Variants in PRDM1 observed in about 807,000 individuals in gnomAD.
The protein encoded by PRDM1 is PR domain zinc finger protein 1.
In PRDM1, 13 loss-of-function variants were observed where a neutral mutation model predicts 62.8. The ratio of observed to expected loss-of-function variants is 0.21; its 90% confidence interval spans 0.13 to 0.33. PRDM1 has a LOEUF of 0.33. Among genes scored for constraint, PRDM1 ranks in the 10% least tolerant of loss-of-function variants. The pLI is 1.00. For missense variants in PRDM1, 895 were observed against 1,058.8 expected, an observed-to-expected ratio of 0.85 and a Z score of 2.15; for synonymous variants, 396 against 417.6, an observed-to-expected ratio of 0.95 and a Z score of 0.63.
chr6:106,051,223 C>G (rs1342152153), intron 1 of PRDM1, among the ~76,000 whole-genome samples: 1 of 152,174 alleles, frequency 6.6e-6, no homozygotes, highest in Non-Finnish European at 1.5e-5. Context: ...ATCATGGTAA[C>G]AAGAATATCT....
chr6:106,009,345 G>A (rs186856501), intron 1 of PRDM1, among the ~76,000 whole-genome samples: 246 of 152,202 alleles, frequency 1.6e-3, no homozygotes, highest in African/African-American at 5.7e-3. Context: ...GATGACTTTC[G>A]CTTCCTTTTG....
At chr6:106,082,177 C>CA (rs1368831650), upstream of PRDM1, among the ~76,000 whole-genome samples, 2 of 152,184 alleles carry the variant, frequency 1.3e-5, no homozygotes, top group African/African-American at 4.8e-5. Flanking sequence ...TCAGGTTTTG[C>CA]CTTCTGTTAG....
At chr6:106,009,474 T>A (rs1233010471) in intron 1 of PRDM1, among the ~76,000 whole-genome samples, 1 of 152,186 alleles carries the variant, frequency 6.6e-6, no homozygotes, top group Non-Finnish European at 1.5e-5. Flanking sequence ...ATATTTTCAT[T>A]TTCTCACAAC....
chr6:106,073,105 C>CTT (rs202236727), intron 1 of PRDM1, among the ~76,000 whole-genome samples: 26 of 137,656 alleles, frequency 1.9e-4, no homozygotes, highest in African/African-American at 5.7e-4. Context: ...TTCCTCTTTT[C>CTT]TTTTTTTTTT....
rs144611234 is a variant in PRDM1, at chr6:106,022,851, C to T, written c.-67+29212C>T. 3.9e-5 allele frequency among the ~76,000 whole-genome samples: 6 copies of T among 152,254 alleles called. No homozygotes were observed. The East Asian group carries it at 5.8e-4, about 15-fold the overall frequency. On this transcript the variant is annotated intron_variant, in intron 1 of 6. Coordinates refer to the PRDM1 transcript ENST00000652320. ...GATTACTGGCATGAGCCCCTGTGCC[C>T]GGCCATAAATGAAATATTGAACATC...
At chr6:106,038,014 CTTTTTTT>C (rs1227783243) in intron 1 of PRDM1, among the ~76,000 whole-genome samples, 5 of 47,800 alleles carry the variant, frequency 1.0e-4, no homozygotes, top group African/African-American at 4.3e-4. Context: ...CTATTTTTGT[CTTTTTTT>C]TTTTTTTTTT....
chr6:106,043,728 T>G (rs538450158), upstream of PRDM1, among the ~76,000 whole-genome samples: 1 of 152,216 alleles, frequency 6.6e-6, no homozygotes, highest in South Asian at 2.1e-4. Context: ...GAGACGGCGT[T>G]TCTCCCTGTT....
At chr6:106,034,271 GTTA>G (rs1562149291) in intron 1 of PRDM1, among the ~76,000 whole-genome samples, 1 of 151,046 alleles carries the variant, frequency 6.6e-6, no homozygotes. Context: ...TGCTCTAATC[GTTA>G]TTATTTCCTT....
chr6:106,033,350 T>C (rs1369443814), intron 1 of PRDM1, among the ~76,000 whole-genome samples: 1 of 150,658 alleles, frequency 6.6e-6, no homozygotes, highest in Non-Finnish European at 1.5e-5. Context: ...ACAGAATCTC[T>C]CTATATTGCC....
intron 1 of PRDM1, among the ~76,000 whole-genome samples, chr6:106,068,616 A>T (rs1267769784): frequency 6.6e-6 from 1 of 152,224 alleles, no homozygotes; most frequent in South Asian, 2.1e-4. Context: ...ACAGTCATAC[A>T]TGGGAACGTT....
intron 1 of PRDM1, among the ~76,000 whole-genome samples, chr6:106,009,618 G>A (rs1374419801): frequency 1.3e-5 from 2 of 152,172 alleles, no homozygotes; most frequent in Non-Finnish European, 2.9e-5. Context: ...GAACAAATTA[G>A]GGGTGCATGT....
At chr6:105,997,670 C>T (rs536718727) in intron 1 of PRDM1, among the ~76,000 whole-genome samples, 18 of 152,290 alleles carry the variant, frequency 1.2e-4, no homozygotes, top group Non-Finnish European at 2.6e-4. Flanking sequence ...AGGGGTTACC[C>T]TCATAAAGCT....
chr6:106,015,164 A>G (rs900226721), intron 1 of PRDM1, among the ~76,000 whole-genome samples: 2 of 152,202 alleles, frequency 1.3e-5, no homozygotes, highest in African/African-American at 4.8e-5. Flanking sequence ...TTAGCTGCCT[A>G]TGGAAATAAG....
chr6:106,076,718 G>T (rs1773611130), intron 1 of PRDM1, among the ~76,000 whole-genome samples: 1 of 152,132 alleles, frequency 6.6e-6, no homozygotes, highest in African/African-American at 2.4e-5. Context: ...ATGCAAAATG[G>T]TTGCATAACT....
chr6:106,038,205 G>A (rs777743581), intron 1 of PRDM1, among the ~76,000 whole-genome samples: 22 of 151,642 alleles, frequency 1.5e-4, no homozygotes, highest in African/African-American at 2.4e-4. Flanking sequence ...GGCTGGTTTC[G>A]AACTACTGAC....
intron 1 of PRDM1, among the ~76,000 whole-genome samples, chr6:106,052,099 T>G (rs1455227041): frequency 6.6e-6 from 1 of 152,202 alleles, no homozygotes; most frequent in Non-Finnish European, 1.5e-5. Flanking sequence ...TGGATACTGA[T>G]GATGGTTGCC....
intron 1 of PRDM1, among the ~76,000 whole-genome samples, chr6:106,053,649 T>C (rs984265334): frequency 1.3e-5 from 2 of 152,184 alleles, no homozygotes; most frequent in African/African-American, 4.8e-5. Flanking sequence ...TAGGAAACTT[T>C]AAAATGCCAA....
At chr6:105,999,862 CT>C (rs552328405) in intron 1 of PRDM1, among the ~76,000 whole-genome samples, 1 of 151,374 alleles carries the variant, frequency 6.6e-6, no homozygotes, top group African/African-American at 2.4e-5. Flanking sequence ...CTATGTGTTT[CT>C]TTTTTTTTGA....
chr6:106,057,873 G>C (rs1478103220), intron 1 of PRDM1, among the ~76,000 whole-genome samples: 2 of 152,046 alleles, frequency 1.3e-5, no homozygotes, highest in Non-Finnish European at 2.9e-5. Flanking sequence ...TACAAGTATA[G>C]GTAAGACAGA....
Sources: allele counts gnomAD v4.1 joint callset (sites outside exome capture counted in the v4.1 genomes callset), GRCh38; gene constraint gnomAD v4.1.1; transcripts MANE v1.5; gene names NCBI Gene and HGNC (gene_info 2026-07-23, HGNC 2026-07-21).